The following PTPRZ1 variants were observed in gnomAD, a reference collection of about 807,000 sequenced individuals.
PTPRZ1 encodes the protein receptor-type tyrosine-protein phosphatase zeta.
Under a neutral mutation model 214.1 loss-of-function variants are expected in PTPRZ1, and 82 were observed. The observed-to-expected ratio is 0.38, with a 90% confidence interval of 0.32 to 0.46. The LOEUF is 0.46. Among genes scored for constraint, PTPRZ1 ranks in the 20% least tolerant of loss-of-function variants. PTPRZ1 has a pLI of 1.00. For synonymous variants in PTPRZ1, 945 were observed against 987.9 expected (o/e 0.96, Z 0.81); for missense variants, 2,603 against 2,748.7 (o/e 0.95, Z 1.19).
chr7:121,999,509 T>A (rs1343271486), intron 10 of PTPRZ1, among the ~76,000 whole-genome samples: 2 of 152,172 alleles, frequency 1.3e-5, no homozygotes. Context: ...TATAAAAAAA[T>A]CTCTTCTACC....
In PTPRZ1 at chr7:121,873,575, G is replaced by C. The variant is rs1778736342; in HGVS notation, c.58+18G>C. 2 of 1,613,146 alleles carry C rather than the reference G, an allele frequency of 1.2e-6. No homozygotes were observed. Among genetic ancestry groups the C allele is most frequent in the African/African-American group, 1.3e-5 (1 of 74,858 alleles). On this transcript the variant is annotated intron_variant, in intron 1 of 29. Coordinates refer to ENST00000393386, the MANE Select transcript of PTPRZ1 (RefSeq NM_002851.3). ...CCGCCTGGGTGAGTGAGAAGAGCTCGGTGGGGTTTCAGCTCCGGGATCGGT... is the reference window on the plus strand; with the variant it reads ...CCGCCTGGGTGAGTGAGAAGAGCTCCGTGGGGTTTCAGCTCCGGGATCGGT...
At position 122,021,349 on chromosome 7, in the gene PTPRZ1, A is replaced by G. The variant is rs142253604; in HGVS notation, c.4988+2081A>G. Among the ~76,000 whole-genome samples the G allele has an allele frequency of 2.6e-4, 39 of 152,318 alleles. No homozygotes were observed. In the East Asian group the frequency reaches 6.4e-3, roughly 25 times the overall value. ...AGATAAAATTACCAGTCAAAAATAT[A>G]TTAATTTGACCTTCAATAAGATATT... On this transcript the variant is annotated intron_variant, in intron 13 of 29. Transcript: ENST00000393386.
intron 1 of PTPRZ1, among the ~76,000 whole-genome samples, chr7:121,897,659 G>A (rs1305226158): frequency 6.6e-6 from 1 of 152,096 alleles, no homozygotes; most frequent in Non-Finnish European, 1.5e-5. Flanking sequence ...CCACTAAGAG[G>A]GAAACCTGAC....
At chr7:121,887,765 G>C (rs904722285) in intron 1 of PTPRZ1, among the ~76,000 whole-genome samples, 1 of 152,042 alleles carries the variant, frequency 6.6e-6, no homozygotes, top group African/African-American at 2.4e-5. Flanking sequence ...CCTGCACAGC[G>C]GATGCACCAT....
intron 23 of PTPRZ1, among the ~76,000 whole-genome samples, chr7:122,044,973 G>C (rs961731626): frequency 6.6e-6 from 1 of 151,646 alleles, no homozygotes; most frequent in African/African-American, 2.4e-5. Flanking sequence ...AAAAATCTGT[G>C]TCTCACTTGA....
At chr7:121,919,806 C>T (rs988624338) in intron 1 of PTPRZ1, among the ~76,000 whole-genome samples, 1 of 60,688 alleles carries the variant, frequency 1.6e-5, no homozygotes. Context: ...TTCTATTGAT[C>T]TGTCTATCAA....
intron 1 of PTPRZ1, among the ~76,000 whole-genome samples, chr7:121,926,674 G>T (rs1190430705): frequency 6.6e-6 from 1 of 152,034 alleles, no homozygotes. Flanking sequence ...GGCAGCTAAG[G>T]GTATGGAATT....
chr7:122,004,693 A>C (rs1584732739), intron 11 of PTPRZ1, 33 bp downstream of exon 11: 1 of 1,183,040 alleles, frequency 8.5e-7, no homozygotes, highest in Non-Finnish European at 1.2e-6. Flanking sequence ...CAAATGTTTT[A>C]ATATTAAATG....
At chr7:121,873,757 G>GCGCCCT (rs1793961057) in intron 1 of PTPRZ1, among the ~76,000 whole-genome samples, 200 bp downstream of exon 1, 1 of 151,984 alleles carries the variant, frequency 6.6e-6, no homozygotes, top group Admixed American at 6.5e-5. Flanking sequence ...TCCCCGCCCC[G>GCGCCCT]CGCCCTCGCC....
At chr7:122,021,070 G>A (rs928997914) in intron 13 of PTPRZ1, among the ~76,000 whole-genome samples, 2 of 152,138 alleles carry the variant, frequency 1.3e-5, no homozygotes, top group Non-Finnish European at 2.9e-5. Context: ...TTGAAAATAA[G>A]ATGGAGAATA....
At position 122,011,395 on chromosome 7, in the gene PTPRZ1, T is replaced by C. The variant is rs1475994518; in HGVS notation, c.2349T>C (p.Thr783=). Residue 783 remains threonine, a synonymous_variant, in exon 12 of 30, where the codon ACT becomes ACC. Transcript: ENST00000393386. ...TGCTTGACAATCAGATCCTCAACAC[T>C]ACCCCTGCTGCTTCAAGTAGTGATT... ...PLLLDNQILN[T]TPAASSSDSA... 6.2e-7 allele frequency: 1 copy of C among 1,613,970 alleles called. No individual in the cohort carries two copies.
chr7:122,037,854 A>G (rs1037179519), intron 18 of PTPRZ1, among the ~76,000 whole-genome samples: 1 of 152,182 alleles, frequency 6.6e-6, no homozygotes, highest in African/African-American at 2.4e-5. Context: ...TGCATAGATG[A>G]AAGATTAAGG....
intron 22 of PTPRZ1, among the ~76,000 whole-genome samples, chr7:122,043,494 A>G (rs1460652015): frequency 6.6e-6 from 1 of 152,202 alleles, no homozygotes; most frequent in African/African-American, 2.4e-5. Context: ...GTGTCAGCAA[A>G]TCTGCATTTT....
At chr7:122,009,541 A>G (rs1333055082) in intron 11 of PTPRZ1, among the ~76,000 whole-genome samples, 2 of 151,532 alleles carry the variant, frequency 1.3e-5, no homozygotes, top group African/African-American at 4.8e-5. Flanking sequence ...TTTTATGTAT[A>G]TATACGTATA....
intron 1 of PTPRZ1, among the ~76,000 whole-genome samples, chr7:121,902,800 T>C (rs955093785): frequency 3.3e-5 from 5 of 152,150 alleles, no homozygotes; most frequent in African/African-American, 1.2e-4. Flanking sequence ...GATAGTGTAT[T>C]AATTTCTTTG....
intron 3 of PTPRZ1, among the ~76,000 whole-genome samples, chr7:121,969,918 A>T (rs1440131951): frequency 1.3e-5 from 2 of 150,704 alleles, no homozygotes; most frequent in African/African-American, 4.9e-5. Context: ...TGTCATTTAC[A>T]TTAGGCATAT....
chr7:121,938,131 T>C (rs1462992111), intron 2 of PTPRZ1, among the ~76,000 whole-genome samples: 1 of 152,110 alleles, frequency 6.6e-6, no homozygotes, highest in Non-Finnish European at 1.5e-5. Context: ...GGAAATATAA[T>C]TAAAAACAAA....
intron 11 of PTPRZ1, among the ~76,000 whole-genome samples, chr7:122,005,093 G>A (rs561038452): frequency 5.3e-5 from 8 of 151,892 alleles, no homozygotes; most frequent in African/African-American, 1.9e-4. Flanking sequence ...AATATAAATT[G>A]TATATATATT....
intron 2 of PTPRZ1, among the ~76,000 whole-genome samples, chr7:121,962,791 C>A (rs996294780): frequency 1.3e-5 from 2 of 151,908 alleles, no homozygotes; most frequent in African/African-American, 4.8e-5. Flanking sequence ...GTCTCGAACT[C>A]CTGACCTCGT....
Sources: gnomAD v4.1 joint callset for allele counts (sites outside exome capture counted in the v4.1 genomes callset) on GRCh38, gnomAD v4.1.1 for gene constraint, MANE v1.5 for transcripts, NCBI Gene and HGNC (gene_info 2026-07-23, HGNC 2026-07-21) for gene names.